LRRC4C: variants seen among roughly 807,000 people sequenced by gnomAD.
LRRC4C encodes leucine-rich repeat-containing protein 4C.
A neutral mutation model predicts 33.6 loss-of-function variants in LRRC4C; 5 were observed. The observed-to-expected ratio is 0.15, with a 90% confidence interval of 0.08 to 0.31. LRRC4C has a LOEUF of 0.31. LRRC4C is among the 10% of genes least tolerant of loss of function. LRRC4C has a pLI of 1.00. For synonymous variants in LRRC4C, 329 were observed against 302.0 expected (o/e 1.09, Z -0.93); for missense variants, 560 against 796.7 (o/e 0.70, Z 3.58).
chr11:40,365,239 T>G (rs1948155051), intron 3 of LRRC4C, among the ~76,000 whole-genome samples: 1 of 152,112 alleles, frequency 6.6e-6, no homozygotes, highest in Admixed American at 6.6e-5. Flanking sequence ...GATTTAAAAT[T>G]AAAATATGAT....
intron 2 of LRRC4C, among the ~76,000 whole-genome samples, chr11:40,898,765 T>C (rs1364402649): frequency 6.8e-6 from 1 of 147,202 alleles, no homozygotes; most frequent in Non-Finnish European, 1.5e-5. Context: ...CCTTGCTTTA[T>C]TTGATAAAGA....
At chr11:40,735,528 T>C (rs1947815329) in intron 2 of LRRC4C, among the ~76,000 whole-genome samples, 1 of 147,766 alleles carries the variant, frequency 6.8e-6, no homozygotes, top group Admixed American at 6.8e-5. Context: ...ATGGTGTATA[T>C]GTGCCACATT....
chr11:40,958,043 C>G (rs1357940621), intron 1 of LRRC4C, among the ~76,000 whole-genome samples: 3 of 151,652 alleles, frequency 2.0e-5, no homozygotes, highest in Non-Finnish European at 3.0e-5. Context: ...GGGATCCCAG[C>G]TAGCTCATCC....
chr11:41,201,132 C>T (rs1270679318), intron 1 of LRRC4C, among the ~76,000 whole-genome samples: 2 of 152,198 alleles, frequency 1.3e-5, no homozygotes, highest in African/African-American at 4.8e-5. Flanking sequence ...CACACCTCCC[C>T]TATTTCAAAA....
At chr11:40,359,454 C>A (rs1947847243) in intron 3 of LRRC4C, among the ~76,000 whole-genome samples, 1 of 152,084 alleles carries the variant, frequency 6.6e-6, no homozygotes, top group African/African-American at 2.4e-5. Context: ...TGTAATGAAA[C>A]CTCAATGTTA....
At chr11:40,498,198 A>G (rs555636368) in intron 3 of LRRC4C, among the ~76,000 whole-genome samples, 15 of 152,152 alleles carry the variant, frequency 9.9e-5, no homozygotes, top group Non-Finnish European at 1.9e-4. Context: ...TTCTGTTCCT[A>G]AAGTTGCCCC....
intron 2 of LRRC4C, among the ~76,000 whole-genome samples, chr11:40,673,923 T>C (rs1324734618): frequency 6.6e-6 from 1 of 152,194 alleles, no homozygotes; most frequent in Non-Finnish European, 1.5e-5. Context: ...TGCACCATTG[T>C]ATATTCATGA....
intron 2 of LRRC4C, among the ~76,000 whole-genome samples, chr11:40,923,315 A>C (rs1217173766): frequency 2.6e-5 from 4 of 152,246 alleles, no homozygotes; most frequent in Admixed American, 6.5e-5. Context: ...AGGATATGAT[A>C]ATGTGTTAGT....
At chr11:40,259,418 A>C (rs546217981) in intron 4 of LRRC4C, among the ~76,000 whole-genome samples, 1 of 152,080 alleles carries the variant, frequency 6.6e-6, no homozygotes, top group South Asian at 2.1e-4. Context: ...TAGTTTAATT[A>C]GATCCCATTT....
chr11:41,142,561 A>T (rs2135917117), intron 1 of LRRC4C, among the ~76,000 whole-genome samples: 1 of 152,276 alleles, frequency 6.6e-6, no homozygotes, highest in Non-Finnish European at 1.5e-5. Flanking sequence ...CTAGAACGGG[A>T]CAGAGATTTC....
At chr11:40,326,118 C>T (rs1292293006) in intron 3 of LRRC4C, among the ~76,000 whole-genome samples, 8 of 151,256 alleles carry the variant, frequency 5.3e-5, no homozygotes, top group Admixed American at 5.3e-4. Flanking sequence ...AAAACTGTTG[C>T]TTGCTTGCTC....
chr11:41,184,834 G>C (rs1205817794), intron 1 of LRRC4C, among the ~76,000 whole-genome samples: 1 of 148,916 alleles, frequency 6.7e-6, no homozygotes, highest in African/African-American at 2.5e-5. Flanking sequence ...AAAAAAAAAA[G>C]GTTTAATGGA....
intron 4 of LRRC4C, among the ~76,000 whole-genome samples, chr11:40,281,332 G>A (rs1416657025): frequency 1.3e-5 from 2 of 152,116 alleles, no homozygotes; most frequent in Admixed American, 1.3e-4. Context: ...CACACGTGCT[G>A]TGGTCTCTGC....
At chr11:41,424,539 T>C (rs1040919428) in intron 1 of LRRC4C, among the ~76,000 whole-genome samples, 4 of 151,936 alleles carry the variant, frequency 2.6e-5, no homozygotes, top group Non-Finnish European at 5.9e-5. Flanking sequence ...GTGGCTAAAT[T>C]GGGGGTTGAG....
At chr11:41,317,248 A>AT (rs34146024) in intron 1 of LRRC4C, among the ~76,000 whole-genome samples, 76,753 of 148,726 alleles carry the variant, frequency 0.52, 21,169 homozygotes, top group East Asian at 0.78. Flanking sequence ...TAAGCCACTG[A>AT]TTTTTTTTTT....
At chr11:41,252,045 AT>A (rs1385591341) in intron 1 of LRRC4C, among the ~76,000 whole-genome samples, 2 of 152,206 alleles carry the variant, frequency 1.3e-5, no homozygotes, top group East Asian at 1.9e-4. Context: ...GAAATAAAAA[AT>A]ATCTTTCTTT....
chr11:41,450,097 C>T (rs189174322), intron 1 of LRRC4C, among the ~76,000 whole-genome samples: 3 of 152,224 alleles, frequency 2.0e-5, no homozygotes, highest in East Asian at 1.9e-4. Context: ...TTTTTGTCAA[C>T]TCTTCATGGT....
chr11:40,750,905 G>A (rs1239045543), intron 2 of LRRC4C, among the ~76,000 whole-genome samples: 2 of 151,504 alleles, frequency 1.3e-5, no homozygotes, highest in African/African-American at 2.4e-5. Flanking sequence ...ACAGCACATC[G>A]AAAAGATGAT....
At chr11:40,123,548 G>A (rs61911788) in intron 6 of LRRC4C, among the ~76,000 whole-genome samples, 10,185 of 152,076 alleles carry the variant, frequency 0.067, 453 homozygotes, top group Middle Eastern at 0.092. Flanking sequence ...GATCTCTACA[G>A]TGAAAACTAT....
Sources: gnomAD v4.1 joint callset for allele counts (sites outside exome capture counted in the v4.1 genomes callset) on GRCh38, gnomAD v4.1.1 for gene constraint, MANE v1.5 for transcripts, NCBI Gene and HGNC (gene_info 2026-07-23, HGNC 2026-07-21) for gene names.